Variants in ARHGEF4 observed in about 807,000 individuals in gnomAD.
ARHGEF4 encodes Rho guanine nucleotide exchange factor 4.
Under a neutral mutation model 162.0 loss-of-function variants are expected in ARHGEF4, and 119 were observed. The ratio of observed to expected loss-of-function variants is 0.73; its 90% confidence interval spans 0.63 to 0.86. The LOEUF is 0.86. ARHGEF4 is among the 40% of genes least tolerant of loss of function. The pLI, the probability that ARHGEF4 is intolerant of heterozygous loss-of-function variation, is 0.00. For missense variants in ARHGEF4, 2,488 were observed against 2,456.0 expected (o/e 1.01, Z -0.28); for synonymous variants, 1,014 against 979.9 (o/e 1.03, Z -0.65).
intron 4 of ARHGEF4, among the ~76,000 whole-genome samples, chr2:130,979,815 A>G (rs1033272450): frequency 2.0e-5 from 3 of 151,820 alleles, no homozygotes; most frequent in Non-Finnish European, 4.4e-5. Flanking sequence ...CAGACACCCA[A>G]TATCACAAAA....
chr2:131,006,906 A>C (rs1000515967), intron 4 of ARHGEF4, among the ~76,000 whole-genome samples: 2 of 152,230 alleles, frequency 1.3e-5, no homozygotes, highest in Admixed American at 6.5e-5. Flanking sequence ...GGTCCTGCTG[A>C]ACACAGTTGG....
At chr2:130,922,901 G>C (rs1681971831) in intron 2 of ARHGEF4, among the ~76,000 whole-genome samples, 1 of 145,108 alleles carries the variant, frequency 6.9e-6, no homozygotes, top group African/African-American at 2.5e-5. Context: ...ATTTTGTGTG[G>C]CTTGTCTTTT....
At chr2:130,838,984 G>C (rs957905602) in intron 1 of ARHGEF4, among the ~76,000 whole-genome samples, 3 of 149,258 alleles carry the variant, frequency 2.0e-5, no homozygotes, top group Non-Finnish European at 4.5e-5. Context: ...CATCTATTCA[G>C]AGAGGCCTTT....
intron 4 of ARHGEF4, chr2:131,011,706 T>C (rs1204449685): frequency 1.4e-6 from 2 of 1,470,066 alleles, no homozygotes; most frequent in Admixed American, 2.0e-5. Context: ...TGAGGCCAGA[T>C]GGGCAGCAAG....
rs568863508 is a variant in ARHGEF4, at chr2:130,902,474, A to G, written c.40-11512A>G. Among the ~76,000 whole-genome samples, 349 of 152,244 alleles carry G rather than the reference A, an allele frequency of 2.3e-3. 2 individuals carry two copies. The highest frequency in any genetic ancestry group is 8.1e-3 in the African/African-American group (336 of 41,548). On this transcript the variant is annotated intron_variant, in intron 1 of 13. Transcript: ENST00000409359. ...TTGGGCATGGTGGCAGGTGCCTGTA[A>G]TCCCAGCTACTCGGGAGGCTGTGGT...
chr2:130,965,927 G>T (rs1267628007), intron 4 of ARHGEF4, among the ~76,000 whole-genome samples: 2 of 152,200 alleles, frequency 1.3e-5, no homozygotes, highest in Non-Finnish European at 2.9e-5. Flanking sequence ...GGCCTAGGAA[G>T]TTGCTCTTTG....
chr2:131,015,754 G>C (rs1023186844), intron 4 of ARHGEF4, among the ~76,000 whole-genome samples: 4 of 152,204 alleles, frequency 2.6e-5, no homozygotes, highest in African/African-American at 9.6e-5. Flanking sequence ...GTCCAGTGCA[G>C]AGAGCCCAGT....
rs1478727827 is a variant in ARHGEF4, at chr2:130,838,123, T to C, written c.39+1131T>C. On this transcript the variant is annotated intron_variant, in intron 1 of 13. Coordinates refer to ENST00000409359, the MANE Select transcript of ARHGEF4 (RefSeq NM_001367493.1). ...CCGGGAAGGCAGCCTTTCAGGAACC[T>C]GTGCTGGTGAGTGTAGGAGATGGCT... Among the ~76,000 whole-genome samples, 6 of 152,350 alleles carry C rather than the reference T, an allele frequency of 3.9e-5. No individual in the cohort carries two copies. In the South Asian group the frequency reaches 6.2e-4, roughly 16 times the overall value.
chr2:131,043,979 G>A (rs1214427817), intron 11 of ARHGEF4, among the ~76,000 whole-genome samples: 4 of 152,270 alleles, frequency 2.6e-5, no homozygotes, highest in Admixed American at 2.0e-4. Context: ...GTGGCCTCAT[G>A]TCCATGAAGC....
chr2:130,910,283 T>C (rs1006346522), intron 1 of ARHGEF4, among the ~76,000 whole-genome samples: 5 of 151,990 alleles, frequency 3.3e-5, no homozygotes, highest in East Asian at 1.9e-4. Context: ...CTAAAGAACA[T>C]TGAAAGATTG....
chr2:130,888,696 C>G (rs746461880), intron 1 of ARHGEF4, among the ~76,000 whole-genome samples: 2 of 152,112 alleles, frequency 1.3e-5, no homozygotes, highest in African/African-American at 2.4e-5. Flanking sequence ...GGATGATCCT[C>G]TGCTACTGAT....
At chr2:130,940,105 T>C (rs111997161) in intron 3 of ARHGEF4, among the ~76,000 whole-genome samples, 23 of 152,300 alleles carry the variant, frequency 1.5e-4, no homozygotes, top group African/African-American at 5.1e-4. Context: ...CTCTGCCTAC[T>C]GCCCAATTCC....
rs79051257 is a variant in ARHGEF4 at position 130,842,473 on chromosome 2, A to G, written c.39+5481A>G. On this transcript the variant is annotated intron_variant, in intron 1 of 13. Coordinates refer to ENST00000409359, the MANE Select transcript of ARHGEF4 (RefSeq NM_001367493.1). Reference sequence around the variant, plus strand: ...AGTGGTAGAGAGGCCCTGTGAGGACAGAGTGTGTTATTACCTCACTTTAAG... The same window carrying G: ...AGTGGTAGAGAGGCCCTGTGAGGACGGAGTGTGTTATTACCTCACTTTAAG... 4.2e-3 allele frequency among the ~76,000 whole-genome samples: 635 copies of G among 152,326 alleles called. 8 individuals carry two copies. Among genetic ancestry groups the G allele is most frequent in the African/African-American group, 0.015 (613 of 41,576 alleles).
At chr2:131,042,642 G>C (rs187268297) in intron 10 of ARHGEF4, among the ~76,000 whole-genome samples, 1 of 152,352 alleles carries the variant, frequency 6.6e-6, no homozygotes, top group Non-Finnish European at 1.5e-5. Flanking sequence ...CAGTGAATCA[G>C]AAGCCCTGGG....
At chr2:130,932,646 A>G (rs1294730881) in intron 3 of ARHGEF4, among the ~76,000 whole-genome samples, 3 of 152,170 alleles carry the variant, frequency 2.0e-5, no homozygotes, top group Non-Finnish European at 4.4e-5. Context: ...GATGAAATCT[A>G]CTTTATCTAT....
chr2:131,037,735 G>A (rs1410561322), intron 5 of ARHGEF4, among the ~76,000 whole-genome samples: 2 of 152,218 alleles, frequency 1.3e-5, no homozygotes, highest in African/African-American at 4.8e-5. Flanking sequence ...CCTGGGAGAG[G>A]CAGGGGAGCG....
At chr2:131,035,884 GGA>G (rs1256877401) in intron 5 of ARHGEF4, 1 of 985,004 alleles carries the variant, frequency 1.0e-6, no homozygotes, top group East Asian at 1.1e-4. Context: ...GGGAGTAGCT[GGA>G]GGCAGAGCCT....
chr2:130,916,264 A>G lies in ARHGEF4; in HGVS notation c.2318A>G (p.Glu773Gly). 1.3e-6 allele frequency: 2 copies of G among 1,523,688 alleles called. No individual in the cohort carries two copies. Among genetic ancestry groups the G allele is most frequent in the Non-Finnish European group, 1.8e-6 (2 of 1,138,412 alleles). The allele number at this position is 1,523,688 out of a possible 1,614,324, so 94.4% of individuals were successfully genotyped here. ...CAGCGCCCCCGCGTCCCCGCCTTGG[A>G]GCCGCCCCAGCCGCCACGCGGGCTC... ...RGQRPRVPAL[E>G]PPQPPRGLRK... The change falls in exon 2 of 14, where the codon GAG becomes GGG. Residue 773 changes from glutamate (E) to glycine (G), a missense_variant. Physicochemically the swap from Glu to Gly is moderately conservative, Grantham distance 98 (BLOSUM62 -2). Coordinates refer to ENST00000409359, the MANE Select transcript of ARHGEF4 (RefSeq NM_001367493.1).
rs13390659 is a variant in ARHGEF4 at position 130,915,923 on chromosome 2, T to G, written c.1977T>G (p.Phe659Leu). Reference sequence around the variant, plus strand: ...TTCCAGAAACACTGCCCCGTGACTTTCCTAAGGAAAGACCAGAATCTCCCT... The same window carrying G: ...TTCCAGAAACACTGCCCCGTGACTTGCCTAAGGAAAGACCAGAATCTCCCT... Reference protein sequence around the residue: ...GPVPETLPRDFPKERPESPLS... With the variant: ...GPVPETLPRDLPKERPESPLS... The change falls in exon 2 of 14, where the codon TTT (phenylalanine) becomes TTG (leucine). Residue 659 changes from phenylalanine to leucine, a missense_variant. By Grantham distance (22) the Phe-to-Leu change is conservative. Transcript: ENST00000409359. The G allele has an allele frequency of 0.018, 27,672 of 1,550,468 alleles. 2,694 individuals carry two copies. The African/African-American group carries it at 0.26, about 15-fold the overall frequency.
Sources: gnomAD v4.1 joint callset for allele counts (sites outside exome capture counted in the v4.1 genomes callset) on GRCh38, gnomAD v4.1.1 for gene constraint, MANE v1.5 for transcripts, NCBI Gene and HGNC (gene_info 2026-07-23, HGNC 2026-07-21) for gene names.